Variants in CUL1 observed in about 807,000 individuals in gnomAD.
CUL1 encodes the protein cullin 1, also known as cullin-1.
A neutral mutation model predicts 118.0 loss-of-function variants in CUL1; 24 were observed. The observed-to-expected ratio is 0.20, with a 90% CI of 0.15 to 0.29. CUL1 has a LOEUF of 0.29. Ranked by LOEUF, CUL1 falls within the 10% of genes least tolerant of loss-of-function variation. The probability of loss-of-function intolerance (pLI) is 1.00; values close to 1 mark genes in which losing one functional copy is unlikely to be tolerated. For missense variants in CUL1, 361 were observed against 933.8 expected (o/e 0.39, Z 7.99); for synonymous variants, 332 against 340.4 (o/e 0.98, Z 0.27).
chr7:148,770,541 T>C (rs1357553943), intron 9 of CUL1, among the ~76,000 whole-genome samples: 2 of 152,178 alleles, frequency 1.3e-5, no homozygotes, highest in East Asian at 3.8e-4. Flanking sequence ...GCAAAAGGAG[T>C]GTTTCCTAAA....
rs546985187 is a variant in CUL1, at chr7:148,723,898, G to C, written c.-161-6064G>C. 5.3e-5 allele frequency among the ~76,000 whole-genome samples: 8 copies of C among 152,052 alleles called. 1 individual carries two copies. The highest frequency in any genetic ancestry group is 1.9e-4 in the African/African-American group (8 of 41,466). On this transcript the variant is annotated intron_variant, in intron 1 of 21. Coordinates refer to ENST00000325222, the MANE Select transcript of CUL1 (RefSeq NM_003592.3). Reference sequence around the variant, plus strand: ...GAAAAAATATTTCATGGCTAAGTAAGTTTGAGGGAAGATGTTTTATACTGT... The same window carrying C: ...GAAAAAATATTTCATGGCTAAGTAACTTTGAGGGAAGATGTTTTATACTGT...
At chr7:148,777,651 C>T (rs568261423) in intron 9 of CUL1, among the ~76,000 whole-genome samples, 1 of 152,250 alleles carries the variant, frequency 6.6e-6, no homozygotes, top group African/African-American at 2.4e-5. Flanking sequence ...TCATTCCAAT[C>T]CTACGTGCCC....
intron 3 of CUL1, among the ~76,000 whole-genome samples, chr7:148,755,159 T>A (rs1409378262): frequency 6.6e-6 from 1 of 152,180 alleles, no homozygotes; most frequent in Non-Finnish European, 1.5e-5. Context: ...TCCAAGCCTT[T>A]GGTTGGGCAG....
intron 1 of CUL1, among the ~76,000 whole-genome samples, chr7:148,721,241 A>G (rs747263721): frequency 1.3e-5 from 2 of 152,134 alleles, no homozygotes. Context: ...CCGCCAACCC[A>G]TTCCCCACTA....
intron 9 of CUL1, among the ~76,000 whole-genome samples, chr7:148,779,988 C>G (rs528079019): frequency 1.3e-5 from 2 of 152,304 alleles, no homozygotes; most frequent in East Asian, 3.9e-4. Flanking sequence ...TGCTTCCTGC[C>G]CTCGAACGTC....
At chr7:148,785,551 A>G (rs1215397915) in intron 11 of CUL1, among the ~76,000 whole-genome samples, 1 of 145,888 alleles carries the variant, frequency 6.9e-6, no homozygotes, top group African/African-American at 2.5e-5. Context: ...TTTAGTAGAG[A>G]CAGGGTTTCA....
intron 1 of CUL1, among the ~76,000 whole-genome samples, chr7:148,706,224 A>C (rs1457423427): frequency 6.6e-6 from 1 of 152,240 alleles, no homozygotes; most frequent in African/African-American, 2.4e-5. Flanking sequence ...TCTGAAATTC[A>C]AAAGACTTCT....
At chr7:148,780,697 A>G (rs181041107) in intron 9 of CUL1, among the ~76,000 whole-genome samples, 57 of 152,334 alleles carry the variant, frequency 3.7e-4, no homozygotes, top group African/African-American at 1.2e-3. Flanking sequence ...ATCATATAGG[A>G]GTTGAATGAG....
chr7:148,782,977 G>A (rs1265466861), intron 9 of CUL1, among the ~76,000 whole-genome samples: 1 of 152,042 alleles, frequency 6.6e-6, no homozygotes, highest in Admixed American at 6.5e-5. Flanking sequence ...GCTTAGCTGT[G>A]ACAGTTTCTA....
intron 2 of CUL1, among the ~76,000 whole-genome samples, chr7:148,745,522 G>C (rs980681571): frequency 6.6e-6 from 1 of 152,068 alleles, no homozygotes; most frequent in Non-Finnish European, 1.5e-5. Flanking sequence ...AGAGTTTATC[G>C]TTATTTGCCA....
chr7:148,733,692 C>T (rs1273338171), intron 2 of CUL1, among the ~76,000 whole-genome samples: 2 of 152,194 alleles, frequency 1.3e-5, no homozygotes, highest in African/African-American at 4.8e-5. Flanking sequence ...TCTAGTATCA[C>T]TCTGCAAAAT....
At chr7:148,704,812 T>C (rs1465671922) in intron 1 of CUL1, among the ~76,000 whole-genome samples, 1 of 132,244 alleles carries the variant, frequency 7.6e-6, no homozygotes, top group African/African-American at 4.4e-5. Context: ...TAGCAGTAGG[T>C]TATTATTTTT....
chr7:148,763,358 G>A (rs1017738110), intron 7 of CUL1, among the ~76,000 whole-genome samples: 1 of 152,152 alleles, frequency 6.6e-6, no homozygotes, highest in Non-Finnish European at 1.5e-5. Flanking sequence ...CACCAAACAC[G>A]ACTTCCATCA....
chr7:148,799,294 T>C lies in CUL1; in HGVS notation c.2156T>C (p.Met719Thr), dbSNP rs754478318. 1 of 1,614,018 alleles carries C rather than the reference T, an allele frequency of 6.2e-7. No homozygotes were observed. Among genetic ancestry groups the C allele is most frequent in the Non-Finnish European group, 8.5e-7 (1 of 1,179,918 alleles). ...LLIQAAIVRIMKMRKVLKHQQ... is the reference protein window; with the variant it reads ...LLIQAAIVRITKMRKVLKHQQ... ...GCATAGGCGGCCATCGTGAGAATCATGAAGATGAGGAAGGTTCTGAAACAC... is the reference window on the plus strand; with the variant it reads ...GCATAGGCGGCCATCGTGAGAATCACGAAGATGAGGAAGGTTCTGAAACAC... The change falls in exon 21 of 22, where the codon ATG (methionine) becomes ACG (threonine). Residue 719 changes from methionine to threonine, a missense_variant. Physicochemically the swap from Met to Thr is moderately conservative, Grantham distance 81. This residue lies in a region of CUL1 where 24 missense variants were observed against 126.7 expected (regional missense o/e 0.19). Coordinates refer to ENST00000325222, the MANE Select transcript of CUL1 (RefSeq NM_003592.3).
intron 9 of CUL1, among the ~76,000 whole-genome samples, chr7:148,768,796 G>A (rs1800101300): frequency 6.6e-6 from 1 of 152,054 alleles, no homozygotes; most frequent in African/African-American, 2.4e-5. Flanking sequence ...ATCAAAAATA[G>A]TATTTTTTTA....
At chr7:148,752,741 C>A (rs950058284) in intron 2 of CUL1, among the ~76,000 whole-genome samples, 1 of 152,180 alleles carries the variant, frequency 6.6e-6, no homozygotes, top group Middle Eastern at 3.2e-3. Flanking sequence ...CTCCGCCTCC[C>A]GGGTTCATGC....
chr7:148,743,570 T>G (rs892831603), intron 2 of CUL1, among the ~76,000 whole-genome samples: 2 of 152,234 alleles, frequency 1.3e-5, no homozygotes, highest in African/African-American at 4.8e-5. Flanking sequence ...ATCCTATGAT[T>G]GTGAAATTGT....
At chr7:148,733,005 A>T (rs1424534197) in intron 2 of CUL1, among the ~76,000 whole-genome samples, 1 of 152,074 alleles carries the variant, frequency 6.6e-6, no homozygotes, top group African/African-American at 2.4e-5. Flanking sequence ...TCCACACCTC[A>T]TTAAGCCTTA....
chr7:148,798,746 GT>G, intron 20 of CUL1, 69 bp downstream of exon 20: 2 of 1,279,482 alleles, frequency 1.6e-6, no homozygotes, highest in East Asian at 4.6e-5. Flanking sequence ...AGGACGGGCC[GT>G]GGGGGGTAGG....
Sources: gnomAD v4.1 joint callset for allele counts (sites outside exome capture counted in the v4.1 genomes callset) on GRCh38, gnomAD v4.1.1 for gene constraint, gnomAD v4.1.1 regional missense constraint, MANE v1.5 for transcripts, NCBI Gene and HGNC (gene_info 2026-07-23, HGNC 2026-07-21) for gene names.